The following PALLD variants were observed in gnomAD, a reference collection of about 807,000 sequenced individuals.
The protein encoded by PALLD is palladin, cytoskeletal associated protein, also known as palladin.
A neutral mutation model predicts 123.5 loss-of-function variants in PALLD; 61 were observed. That is an observed-to-expected ratio of 0.49 (90% CI 0.40 to 0.61). PALLD has a LOEUF of 0.61. Ranked by LOEUF, PALLD falls within the 20% of genes least tolerant of loss-of-function variation. The pLI is 0.00. For missense variants in PALLD, 1,273 were observed against 1,377.0 expected, an observed-to-expected ratio of 0.92 and a Z score of 1.20; for synonymous variants, 465 against 496.4, an observed-to-expected ratio of 0.94 and a Z score of 0.84.
rs1755230596 is a variant in PALLD at position 168,896,601 on chromosome 4, T to A, written c.2250+2T>A. ...GGGAGTCCTCTGGATGGTCAAAAGG[T>A]TAAGCTTTTCACCTTTCTTCTCCTT... On this transcript the variant is annotated splice_donor_variant, in intron 13 of 21. Transcript: ENST00000505667. LOFTEE classifies it high-confidence loss of function. 6.7e-7 allele frequency: 1 copy of A among 1,496,216 alleles called. No individual in the cohort carries two copies. Among genetic ancestry groups the A allele is most frequent in the Non-Finnish European group, 9.0e-7 (1 of 1,110,476 alleles). 92.7% of individuals were successfully genotyped at this position (1,496,216 alleles called of 1,614,324 possible).
intron 2 of PALLD, among the ~76,000 whole-genome samples, chr4:168,548,571 T>C (rs1191122507): frequency 2.0e-5 from 3 of 152,174 alleles, no homozygotes; most frequent in African/African-American, 7.2e-5. Flanking sequence ...TGAGAGAGTC[T>C]GGCGAAATGG....
chr4:168,899,927 AAAAAG>A (rs1272197996), intron 14 of PALLD, among the ~76,000 whole-genome samples: 2 of 152,094 alleles, frequency 1.3e-5, no homozygotes, highest in Admixed American at 6.5e-5. Flanking sequence ...CAAAAAAAAA[AAAAAG>A]AAAAGAAAAT....
chr4:168,898,000 C>G (rs1260223957), intron 13 of PALLD: 1 of 150,526 alleles, frequency 6.6e-6, no homozygotes, highest in African/African-American at 2.5e-5. Flanking sequence ...ACTATTTTTT[C>G]TATTACCATT....
intron 10 of PALLD, among the ~76,000 whole-genome samples, chr4:168,765,857 G>A (rs748513065): frequency 6.6e-6 from 1 of 152,248 alleles, no homozygotes; most frequent in Non-Finnish European, 1.5e-5. Flanking sequence ...TCATGGGGGT[G>A]TGGATTTTGT....
chr4:168,542,748 A>ATATATATATATC, intron 2 of PALLD, among the ~76,000 whole-genome samples: 1 of 120,228 alleles, frequency 8.3e-6, no homozygotes, highest in Non-Finnish European at 1.8e-5. Flanking sequence ...ATATATATAT[A>ATATATATATATC]TATATATATA....
chr4:168,828,842 G>C (rs917450949), intron 10 of PALLD: 1 of 152,284 alleles, frequency 6.6e-6, no homozygotes, highest in Non-Finnish European at 1.5e-5. Context: ...TACAGCCAGC[G>C]AAGCTGGAGG....
chr4:168,551,886 C>T (rs908460524), intron 2 of PALLD, among the ~76,000 whole-genome samples: 1 of 152,048 alleles, frequency 6.6e-6, no homozygotes, highest in Non-Finnish European at 1.5e-5. Context: ...AGAAAATTCA[C>T]GATGACATTT....
At chr4:168,562,973 G>T (rs1350495807) in intron 2 of PALLD, among the ~76,000 whole-genome samples, 1 of 152,200 alleles carries the variant, frequency 6.6e-6, no homozygotes, top group Non-Finnish European at 1.5e-5. Flanking sequence ...AAATAGAAGT[G>T]GAGATGGTGA....
chr4:168,829,266 G>C (rs1340315017), intron 10 of PALLD: 1 of 145,210 alleles, frequency 6.9e-6, no homozygotes, highest in East Asian at 2.0e-4. Context: ...ATCTTTCCGG[G>C]CACCTGTAGT....
At chr4:168,520,576 C>A (rs929141685) in intron 2 of PALLD, among the ~76,000 whole-genome samples, 5 of 152,138 alleles carry the variant, frequency 3.3e-5, no homozygotes, top group African/African-American at 1.2e-4. Flanking sequence ...CAGTAGCTTA[C>A]CTGCAAGGCC....
chr4:168,775,486 C>G (rs1735056468), intron 10 of PALLD, among the ~76,000 whole-genome samples: 1 of 152,096 alleles, frequency 6.6e-6, no homozygotes, highest in South Asian at 2.1e-4. Context: ...TTTTCTCCTA[C>G]TCTGTGGATT....
intron 10 of PALLD, among the ~76,000 whole-genome samples, chr4:168,797,447 T>C (rs1460825985): frequency 6.6e-6 from 1 of 152,070 alleles, no homozygotes; most frequent in Non-Finnish European, 1.5e-5. Flanking sequence ...TAATTCCTAA[T>C]AAAGGAGTTT....
intron 2 of PALLD, among the ~76,000 whole-genome samples, chr4:168,589,045 A>G (rs1771134176): frequency 6.6e-6 from 1 of 152,240 alleles, no homozygotes; most frequent in Admixed American, 6.5e-5. Flanking sequence ...TAATAGGACA[A>G]CAGTCCCTAA....
At chr4:168,603,014 C>A (rs1371761202) in intron 2 of PALLD, among the ~76,000 whole-genome samples, 1 of 152,162 alleles carries the variant, frequency 6.6e-6, no homozygotes, top group African/African-American at 2.4e-5. Flanking sequence ...GCGAGCCTCC[C>A]ACCTTGGCCT....
At chr4:168,883,818 G>A (rs574105909) in intron 10 of PALLD, among the ~76,000 whole-genome samples, 13 of 152,126 alleles carry the variant, frequency 8.5e-5, no homozygotes, top group Non-Finnish European at 1.6e-4. Context: ...AGTATTTAGT[G>A]CAGGAGGCCT....
intron 3 of PALLD, among the ~76,000 whole-genome samples, chr4:168,681,069 A>C (rs1381014560): frequency 6.6e-6 from 1 of 152,222 alleles, no homozygotes; most frequent in African/African-American, 2.4e-5. Context: ...GACCACAGTG[A>C]TAAAAATGAA....
In PALLD at chr4:168,797,362, T is replaced by C. The variant is rs138760495; in HGVS notation, c.1964+85439T>C. On this transcript the variant is annotated intron_variant, in intron 10 of 21. Transcript: ENST00000505667. Reference sequence around the variant, plus strand: ...GAGTCATCCAAAAGTTGAGTATATTTAGACCACCGTGACAATCAAACAGTA... The same window carrying C: ...GAGTCATCCAAAAGTTGAGTATATTCAGACCACCGTGACAATCAAACAGTA... 2.1e-3 allele frequency among the ~76,000 whole-genome samples: 316 copies of C among 152,214 alleles called. 1 individual carries two copies. The highest frequency in any genetic ancestry group is 7.0e-3 in the African/African-American group (290 of 41,506).
At chr4:168,577,192 G>A (rs756017488) in intron 2 of PALLD, among the ~76,000 whole-genome samples, 1 of 152,126 alleles carries the variant, frequency 6.6e-6, no homozygotes, top group South Asian at 2.1e-4. Context: ...ACACGTTGAT[G>A]TTTGCCTTAT....
Position 168,658,284 on chromosome 4 carries a change from G to GTTTTTTTTTTTTTTTTTTTTTTTT in PALLD, c.909-9906_909-9905insTTTTTTTTTTTTTTTTTTTTTTTT, listed in dbSNP as rs755942969. The stretch of plus-strand genomic sequence containing the variant: ...TTTTGTTGGTGGTGGGTTTTTATTT[G>GTTTTTTTTTTTTTTTTTTTTTTTT]GTTTTTTTTTTTTTTTTTGTGATGA... On this transcript the variant is annotated intron_variant, in intron 2 of 21. Transcript: ENST00000505667. Among the ~76,000 whole-genome samples the GTTTTTTTTTTTTTTTTTTTTTTTT allele has an allele frequency of 2.5e-5, 3 of 120,770 alleles. 1 individual carries two copies. 79.2% of individuals were successfully genotyped at this position (120,770 alleles called of 152,430 possible). A position where few individuals can be genotyped will look rare whatever the true frequency, so the allele number is the denominator to read the frequency against.
Sources: gnomAD v4.1 joint callset for allele counts (sites outside exome capture counted in the v4.1 genomes callset) on GRCh38, gnomAD v4.1.1 for gene constraint, MANE v1.5 for transcripts, NCBI Gene and HGNC (gene_info 2026-07-23, HGNC 2026-07-21) for gene names.